Variants in PSPC1 observed in about 807,000 individuals in gnomAD.
PSPC1 encodes paraspeckle component 1, also known as paraspeckle protein 1.
In PSPC1, 14 loss-of-function variants were observed where a neutral mutation model predicts 51.6. The ratio of observed to expected loss-of-function variants is 0.27; its 90% CI spans 0.18 to 0.42. The LOEUF (loss-of-function observed/expected upper bound fraction) is 0.42. Ranked by LOEUF, PSPC1 falls within the 10% of genes least tolerant of loss-of-function variation. The pLI, the probability that PSPC1 is intolerant of heterozygous loss-of-function variation, is 1.00. For synonymous variants in PSPC1, 193 were observed against 231.9 expected, an observed-to-expected ratio of 0.83 and a Z score of 1.53; for missense variants, 406 against 701.1, an observed-to-expected ratio of 0.58 and a Z score of 4.75.
chr13:19,682,273 T>C (rs1877352414), intron 6 of PSPC1, among the ~76,000 whole-genome samples: 1 of 152,196 alleles, frequency 6.6e-6, no homozygotes, highest in South Asian at 2.1e-4. Context: ...AATATGAACA[T>C]TCAATTCTGG....
chr13:19,759,770 G>A (rs1887435116), intron 2 of PSPC1, among the ~76,000 whole-genome samples: 1 of 151,002 alleles, frequency 6.6e-6, no homozygotes, highest in Non-Finnish European at 1.5e-5. Flanking sequence ...GCTGAGGCAG[G>A]AGAACTGCTT....
At chr13:19,740,353 AAAG>A (rs891132591) in intron 5 of PSPC1, among the ~76,000 whole-genome samples, 4 of 152,178 alleles carry the variant, frequency 2.6e-5, no homozygotes, top group South Asian at 4.1e-4. Context: ...CAAAAAAAAA[AAAG>A]AATGAATTGG....
chr13:19,735,265 C>T (rs1368428930), intron 5 of PSPC1, among the ~76,000 whole-genome samples: 2 of 151,746 alleles, frequency 1.3e-5, no homozygotes, highest in Middle Eastern at 3.4e-3. Flanking sequence ...CGACCGAGAT[C>T]GCGCCACCGC....
At chr13:19,703,727 C>A (rs1228145812) in intron 8 of PSPC1, among the ~76,000 whole-genome samples, 1 of 151,616 alleles carries the variant, frequency 6.6e-6, no homozygotes, top group African/African-American at 2.4e-5. Flanking sequence ...AAGAAAAATA[C>A]GTTCTTAAAA....
At chr13:19,676,144 T>G (rs1876608554) in intron 7 of PSPC1, among the ~76,000 whole-genome samples, 1 of 152,218 alleles carries the variant, frequency 6.6e-6, no homozygotes, top group African/African-American at 2.4e-5. Context: ...CACAGACAGC[T>G]TATGTACACA....
chr13:19,722,559 T>G (rs952774554), intron 6 of PSPC1, among the ~76,000 whole-genome samples: 2 of 151,976 alleles, frequency 1.3e-5, no homozygotes, highest in African/African-American at 4.8e-5. Context: ...TTTGGGAGGC[T>G]GAGGTAGGTG....
At position 19,777,611 on chromosome 13, in the gene PSPC1, C is replaced by T. The variant is rs190830024; in HGVS notation, c.372+4775G>A. Among the ~76,000 whole-genome samples the T allele has an allele frequency of 4.5e-3, 691 of 152,138 alleles. 5 individuals carry two copies. Among genetic ancestry groups the T allele is most frequent in the South Asian group, 0.027 (128 of 4,818 alleles). On this transcript the variant is annotated intron_variant, in intron 1 of 8. Transcript: ENST00000338910. Reference sequence around the variant, plus strand: ...ATTATTAATAGTTTGCGAATATTTACCCTTCTCTTGAAGCCACTTACATGT... The same window carrying T: ...ATTATTAATAGTTTGCGAATATTTATCCTTCTCTTGAAGCCACTTACATGT...
intron 6 of PSPC1, among the ~76,000 whole-genome samples, chr13:19,721,226 A>G (rs1882731566): frequency 6.6e-6 from 1 of 151,958 alleles, no homozygotes. Context: ...AGCAGAAGTA[A>G]CAAGTTAAAT....
At chr13:19,712,435 A>G (rs984784276) in intron 6 of PSPC1, among the ~76,000 whole-genome samples, 7 of 152,194 alleles carry the variant, frequency 4.6e-5, no homozygotes, top group Non-Finnish European at 1.0e-4. Flanking sequence ...TCTATGTATC[A>G]CTTTCTAGAA....
At chr13:19,672,793 AAGAG>A (rs899886126), downstream of PSPC1, 2 of 252,976 alleles carry the variant, frequency 7.9e-6, no homozygotes, top group Admixed American at 4.6e-5. Flanking sequence ...TGAGACCTAA[AAGAG>A]AGTATTAAAT....
intron 6 of PSPC1, among the ~76,000 whole-genome samples, chr13:19,695,895 T>C (rs1268683539): frequency 6.6e-6 from 1 of 151,712 alleles, no homozygotes; most frequent in Non-Finnish European, 1.5e-5. Flanking sequence ...ATATTTTTTT[T>C]AGAAGAGATA....
At chr13:19,765,514 TTTGA>T (rs1887989525) in intron 2 of PSPC1, among the ~76,000 whole-genome samples, 1 of 52,844 alleles carries the variant, frequency 1.9e-5, no homozygotes, top group Non-Finnish European at 5.9e-5. Context: ...TTTTTTTTTT[TTTGA>T]GAGACGGGTC....
At chr13:19,699,500 G>A (rs1004997722), downstream of PSPC1, 4 of 151,886 alleles carry the variant, frequency 2.6e-5, no homozygotes, top group Admixed American at 2.6e-4. Context: ...AAATGATCTT[G>A]TAAAGTATAA....
chr13:19,742,218 T>C (rs982119483), intron 4 of PSPC1, among the ~76,000 whole-genome samples: 25 of 143,356 alleles, frequency 1.7e-4, no homozygotes, highest in African/African-American at 6.3e-4. Context: ...TCCCAACACT[T>C]TGGGAAGCCC....
intron 7 of PSPC1, among the ~76,000 whole-genome samples, chr13:19,706,597 TCATTAA>T (rs1484200739): frequency 5.9e-5 from 9 of 152,170 alleles, no homozygotes; most frequent in Admixed American, 5.9e-4. Context: ...TCCACCTACC[TCATTAA>T]CATTAATAGT....
At chr13:19,702,199 C>A (rs541038742), downstream of PSPC1, among the ~76,000 whole-genome samples, 8 of 152,112 alleles carry the variant, frequency 5.3e-5, no homozygotes, top group Non-Finnish European at 1.0e-4. Flanking sequence ...CCATCAGACA[C>A]GTTTTACTGG....
downstream of PSPC1, chr13:19,699,252 C>T (rs1371632053): frequency 1.3e-5 from 2 of 151,630 alleles, no homozygotes; most frequent in Non-Finnish European, 3.0e-5. Context: ...ACTGCCCAGG[C>T]TCATCTCAGC....
At chr13:19,671,806 T>C, downstream of PSPC1, 2 of 1,612,284 alleles carry the variant, frequency 1.2e-6, no homozygotes, top group Non-Finnish European at 8.5e-7. Flanking sequence ...GGATCTGTAC[T>C]GACACCTGCG....
intron 6 of PSPC1, among the ~76,000 whole-genome samples, chr13:19,680,243 G>A (rs1404666868): frequency 1.3e-5 from 2 of 152,262 alleles, no homozygotes; most frequent in Admixed American, 6.5e-5. Flanking sequence ...TCGAACTCCT[G>A]ACCCCAGGTG....
Sources: gnomAD v4.1 joint callset for allele counts (sites outside exome capture counted in the v4.1 genomes callset) on GRCh38, gnomAD v4.1.1 for gene constraint, MANE v1.5 for transcripts, NCBI Gene and HGNC (gene_info 2026-07-23, HGNC 2026-07-21) for gene names.